The following GRM8 variants were observed in gnomAD, a reference collection of about 807,000 sequenced individuals.
GRM8 encodes the protein metabotropic glutamate receptor 8.
A neutral mutation model predicts 87.2 loss-of-function variants in GRM8; 47 were observed. That is an observed-to-expected ratio of 0.54 (90% CI 0.43 to 0.69). The LOEUF (loss-of-function observed/expected upper bound fraction) is 0.69, where lower values mean the gene tolerates loss of function less well. Among genes scored for constraint, GRM8 ranks in the 30% least tolerant of loss-of-function variants. GRM8 has a pLI of 0.00. For synonymous variants in GRM8, 396 were observed against 404.5 expected, an observed-to-expected ratio of 0.98 and a Z score of 0.25; for missense variants, 1,019 against 1,139.2, an observed-to-expected ratio of 0.89 and a Z score of 1.52.
At chr7:126,899,737 C>CT (rs5887317) in intron 6 of GRM8, among the ~76,000 whole-genome samples, 111,414 of 148,308 alleles carry the variant, frequency 0.75, 41,855 homozygotes, top group East Asian at 0.96. Context: ...GTTATCCCTT[C>CT]TTTTTTTTTT....
chr7:126,554,923 T>C (rs7808017), intron 8 of GRM8, among the ~76,000 whole-genome samples: 84,723 of 151,926 alleles, frequency 0.56, 23,880 homozygotes, highest in South Asian at 0.65. Flanking sequence ...AGGATAAATG[T>C]AAGAAGAAAA....
At chr7:126,602,442 T>G (rs1797897720) in intron 8 of GRM8, among the ~76,000 whole-genome samples, 1 of 113,688 alleles carries the variant, frequency 8.8e-6, no homozygotes, top group Non-Finnish European at 2.0e-5. Context: ...ATATGAACTT[T>G]AAAGTAGTTT....
chr7:127,180,323 C>A (rs1794363186), intron 2 of GRM8, among the ~76,000 whole-genome samples: 1 of 152,026 alleles, frequency 6.6e-6, no homozygotes. Flanking sequence ...CCTGAACAGA[C>A]CAATAACAAG....
At chr7:126,946,624 A>G (rs780068890) in intron 3 of GRM8, among the ~76,000 whole-genome samples, 22 of 152,234 alleles carry the variant, frequency 1.4e-4, no homozygotes, top group Non-Finnish European at 2.8e-4. Context: ...AAGCTATTCT[A>G]TACCAACCTG....
intron 7 of GRM8, among the ~76,000 whole-genome samples, chr7:126,682,544 T>G (rs775872654): frequency 2.8e-4 from 43 of 152,246 alleles, no homozygotes; most frequent in Non-Finnish European, 5.1e-4. Context: ...GCTTACACTC[T>G]TATTCACTAA....
chr7:126,819,421 T>A (rs1045904097), intron 6 of GRM8, among the ~76,000 whole-genome samples: 1 of 152,150 alleles, frequency 6.6e-6, no homozygotes, highest in East Asian at 1.9e-4. Flanking sequence ...CACAAAGCAT[T>A]GTAAATATTT....
rs534738379 is a variant in GRM8 at position 127,020,848 on chromosome 7, C to T, written c.727+85648G>A. Among the ~76,000 whole-genome samples the T allele has an allele frequency of 1.8e-4, 27 of 152,080 alleles. No individual in the cohort carries two copies. The South Asian group carries it at 5.4e-3, about 30-fold the overall frequency. ...TCATCATAAATCAGGAAACAAGAAT[C>T]TCAATGTCCAATTACCATTCAGAAT... On this transcript the variant is annotated intron_variant, in intron 3 of 10. Transcript: ENST00000339582.
intron 7 of GRM8, among the ~76,000 whole-genome samples, chr7:126,647,649 C>T (rs1803312052): frequency 6.6e-6 from 1 of 152,110 alleles, no homozygotes; most frequent in South Asian, 2.1e-4. Flanking sequence ...TCCAGAGTTG[C>T]TTACATGAAG....
At chr7:127,122,980 G>A (rs1827171189) in intron 2 of GRM8, among the ~76,000 whole-genome samples, 1 of 152,074 alleles carries the variant, frequency 6.6e-6, no homozygotes, top group Admixed American at 6.6e-5. Context: ...TTCAGGAACA[G>A]GAGAAGAAGA....
chr7:127,037,832 CGTGT>C (rs367605693), intron 3 of GRM8, among the ~76,000 whole-genome samples: 1,654 of 147,318 alleles, frequency 0.011, 17 homozygotes, highest in African/African-American at 0.036. Context: ...CATGCGCATC[CGTGT>C]GTGTGTGTGT....
At chr7:127,066,902 G>C (rs1249128646) in intron 3 of GRM8, among the ~76,000 whole-genome samples, 2 of 152,054 alleles carry the variant, frequency 1.3e-5, no homozygotes, top group African/African-American at 4.8e-5. Context: ...TTAATGTTTT[G>C]TTCTTGGCTT....
At chr7:126,919,270 G>A (rs528241412) in intron 3 of GRM8, among the ~76,000 whole-genome samples, 1 of 152,244 alleles carries the variant, frequency 6.6e-6, no homozygotes, top group South Asian at 2.1e-4. Flanking sequence ...GTGCTTGACA[G>A]GATGATGTCA....
chr7:126,683,413 ACT>A (rs1807836051), intron 7 of GRM8, among the ~76,000 whole-genome samples: 1 of 152,180 alleles, frequency 6.6e-6, no homozygotes, highest in Non-Finnish European at 1.5e-5. Flanking sequence ...AGGAGCTGAA[ACT>A]CTTGTTAAAC....
chr7:126,499,428 T>G (rs557383154), intron 9 of GRM8, among the ~76,000 whole-genome samples: 1 of 148,262 alleles, frequency 6.7e-6, no homozygotes, highest in East Asian at 2.0e-4. Flanking sequence ...AAAAAAAAAC[T>G]AGAATTATCG....
At chr7:126,632,878 C>T (rs1801480575) in intron 7 of GRM8, among the ~76,000 whole-genome samples, 1 of 151,918 alleles carries the variant, frequency 6.6e-6, no homozygotes, top group South Asian at 2.1e-4. Flanking sequence ...TGGGGCCTGT[C>T]AGATGGTAGA....
At chr7:127,246,449 G>A (rs765786070) in intron 1 of GRM8, among the ~76,000 whole-genome samples, 12 of 152,346 alleles carry the variant, frequency 7.9e-5, no homozygotes, top group East Asian at 3.9e-4. Flanking sequence ...TCAAGGAGGC[G>A]TGAGGTCTGG....
chr7:126,550,280 A>C (rs966990988), intron 8 of GRM8, among the ~76,000 whole-genome samples: 1 of 151,924 alleles, frequency 6.6e-6, no homozygotes, highest in Non-Finnish European at 1.5e-5. Flanking sequence ...ACGCCTGGCT[A>C]ATTTTTGTAT....
intron 7 of GRM8, among the ~76,000 whole-genome samples, chr7:126,626,101 A>AGTGTGT (rs71312854): frequency 0.015 from 2,259 of 148,812 alleles, 40 homozygotes; most frequent in African/African-American, 0.041. Context: ...ATATGAGAGA[A>AGTGTGT]GTGTGTGTGT....
At chr7:126,561,568 A>G (rs988159180) in intron 8 of GRM8, among the ~76,000 whole-genome samples, 3 of 151,814 alleles carry the variant, frequency 2.0e-5, no homozygotes, top group Admixed American at 6.6e-5. Flanking sequence ...GCAGCTATAG[A>G]TTCTCCCTCA....
Sources: allele counts gnomAD v4.1 joint callset (sites outside exome capture counted in the v4.1 genomes callset), GRCh38; gene constraint gnomAD v4.1.1; transcripts MANE v1.5; gene names NCBI Gene and HGNC (gene_info 2026-07-23, HGNC 2026-07-21).